The following DIP2C variants were observed in gnomAD, a reference collection of about 807,000 sequenced individuals.
DIP2C encodes disco-interacting protein 2 homolog C.
In DIP2C, 33 loss-of-function variants were observed where a neutral mutation model predicts 192.4. The observed-to-expected ratio is 0.17, with a 90% CI of 0.13 to 0.23. DIP2C has a LOEUF of 0.23. DIP2C is among the 10% of genes least tolerant of loss of function. The pLI is 1.00. For synonymous variants in DIP2C, 979 were observed against 864.1 expected (o/e 1.13, Z -2.33); for missense variants, 1,537 against 2,110.1 (o/e 0.73, Z 5.32).
intron 31 of DIP2C, among the ~76,000 whole-genome samples, chr10:325,658 A>G (rs1957240689): frequency 6.6e-6 from 1 of 152,244 alleles, no homozygotes; most frequent in Admixed American, 6.5e-5. Context: ...ATTTATGAGG[A>G]ACAGAAAAAG....
At chr10:489,459 G>A (rs1844270005) in intron 1 of DIP2C, among the ~76,000 whole-genome samples, 1 of 152,246 alleles carries the variant, frequency 6.6e-6, no homozygotes, top group Non-Finnish European at 1.5e-5. Context: ...GCAGAAGCTA[G>A]CTGGCTGACT....
chr10:585,310 G>C (rs1196464671), intron 1 of DIP2C, among the ~76,000 whole-genome samples: 2 of 152,234 alleles, frequency 1.3e-5, no homozygotes, highest in African/African-American at 4.8e-5. Flanking sequence ...TGGAAACAGA[G>C]GACCAAGCTG....
At chr10:474,686 C>T (rs1408061855) in intron 2 of DIP2C, among the ~76,000 whole-genome samples, 2 of 152,208 alleles carry the variant, frequency 1.3e-5, no homozygotes, top group Non-Finnish European at 2.9e-5. Context: ...CACTTGGGGG[C>T]CCCACACATC....
intron 1 of DIP2C, among the ~76,000 whole-genome samples, chr10:603,393 CTTAT>C (rs1246235997): frequency 6.7e-6 from 1 of 149,318 alleles, no homozygotes; most frequent in African/African-American, 2.5e-5. Flanking sequence ...TACCCCAACC[CTTAT>C]TCAAAGGTCG....
chr10:286,872 G>A (rs1448714964), intron 33 of DIP2C, among the ~76,000 whole-genome samples: 1 of 152,196 alleles, frequency 6.6e-6, no homozygotes, highest in Admixed American at 6.5e-5. Flanking sequence ...GGTAAGCATG[G>A]ACTCGAAGAT....
chr10:487,723 G>A (rs1564778369), intron 1 of DIP2C, among the ~76,000 whole-genome samples: 1 of 151,920 alleles, frequency 6.6e-6, no homozygotes, highest in East Asian at 1.9e-4. Flanking sequence ...GACTACAGGC[G>A]CTGGCCACCA....
At chr10:448,644 G>A (rs546970744) in intron 3 of DIP2C, among the ~76,000 whole-genome samples, 2 of 116,342 alleles carry the variant, frequency 1.7e-5, no homozygotes, top group East Asian at 5.3e-4. Context: ...ATCACACACA[G>A]TGGGGCAAGC....
intron 1 of DIP2C, among the ~76,000 whole-genome samples, chr10:584,031 G>A (rs762278201): frequency 4.6e-5 from 7 of 152,096 alleles, no homozygotes; most frequent in Non-Finnish European, 7.3e-5. Context: ...TCTGTCCCTT[G>A]GTGTCTGTCC....
intron 1 of DIP2C, among the ~76,000 whole-genome samples, chr10:613,349 T>C (rs191630737): frequency 5.9e-5 from 9 of 152,062 alleles, no homozygotes; most frequent in African/African-American, 1.7e-4. Context: ...CGATTTTCTA[T>C]AAATAATGTG....
chr10:304,855 T>C (rs1465297182), intron 32 of DIP2C, among the ~76,000 whole-genome samples: 1 of 152,108 alleles, frequency 6.6e-6, no homozygotes, highest in Admixed American at 6.6e-5. Context: ...TTGTACCACA[T>C]ACAGGCACCC....
At chr10:586,740 C>G (rs925457439) in intron 1 of DIP2C, among the ~76,000 whole-genome samples, 1 of 152,258 alleles carries the variant, frequency 6.6e-6, no homozygotes, top group African/African-American at 2.4e-5. Context: ...GTGACATCTG[C>G]AAGGCCAGGT....
At position 363,167 on chromosome 10, in the gene DIP2C, G is replaced by T; in HGVS notation, c.2592+30C>A. ...AAGGAGGCCAGAAACAAGACACAGG[G>T]GACCAGTGCCCAGGGCGAGGGAGGG... is the stretch of plus-strand genomic sequence containing the variant. On this transcript the variant is annotated intron_variant, in intron 21 of 36. Coordinates refer to ENST00000280886, the MANE Select transcript of DIP2C (RefSeq NM_014974.3). The surrounding 1 kb of genome is among the most constrained non-coding windows in gnomAD (Gnocchi z 5.4). The T allele has an allele frequency of 6.3e-7, 1 of 1,588,736 alleles. No individual in the cohort carries two copies. The highest frequency in any genetic ancestry group is 8.6e-7 in the Non-Finnish European group (1 of 1,159,208).
chr10:321,559 T>C (rs1470028302), intron 31 of DIP2C, among the ~76,000 whole-genome samples: 2 of 127,994 alleles, frequency 1.6e-5, no homozygotes, highest in Admixed American at 8.0e-5. Context: ...CCGGCGCTGT[T>C]AGAACAGTCA....
At chr10:436,276 C>A (rs1166473658) in intron 4 of DIP2C, among the ~76,000 whole-genome samples, 1 of 152,176 alleles carries the variant, frequency 6.6e-6, no homozygotes, top group Non-Finnish European at 1.5e-5. Flanking sequence ...TTGTGGGTAA[C>A]GTGTTGAGCA....
At chr10:348,560 A>G in intron 26 of DIP2C, 81 bp downstream of exon 26, 1 of 1,554,230 alleles carries the variant, frequency 6.4e-7, no homozygotes, top group South Asian at 1.2e-5. Flanking sequence ...AGCTGCCCCA[A>G]GAGATGTCAG....
At chr10:337,445 TGTGC>T (rs1325074267) in intron 29 of DIP2C, among the ~76,000 whole-genome samples, 20 of 123,148 alleles carry the variant, frequency 1.6e-4, no homozygotes, top group South Asian at 2.7e-4. Flanking sequence ...GCTGATTGTG[TGTGC>T]GTGTGTGTTG....
chr10:291,234 C>T (rs762744306), intron 32 of DIP2C, among the ~76,000 whole-genome samples: 10 of 152,212 alleles, frequency 6.6e-5, no homozygotes, highest in African/African-American at 9.6e-5. Flanking sequence ...CCTCAGGAAG[C>T]GAAGCAAGAC....
chr10:480,949 T>C (rs1843558881), intron 2 of DIP2C, among the ~76,000 whole-genome samples: 1 of 152,158 alleles, frequency 6.6e-6, no homozygotes, highest in Admixed American at 6.5e-5. Context: ...GGGATTTAAG[T>C]TTAAAACACC....
intron 1 of DIP2C, among the ~76,000 whole-genome samples, chr10:487,771 G>A (rs1026193588): frequency 1.3e-5 from 2 of 151,774 alleles, no homozygotes; most frequent in African/African-American, 4.8e-5. Flanking sequence ...TAGAGACAGG[G>A]TTTCACCATG....
Sources: gnomAD v4.1 joint callset for allele counts (sites outside exome capture counted in the v4.1 genomes callset) on GRCh38, gnomAD v4.1.1 for gene constraint, Gnocchi (gnomAD v3.1) non-coding constraint, MANE v1.5 for transcripts, NCBI Gene and HGNC (gene_info 2026-07-23, HGNC 2026-07-21) for gene names.